Variants in IFT43 observed in about 807,000 individuals in gnomAD.
IFT43 encodes the protein intraflagellar transport protein 43 homolog.
A neutral mutation model predicts 32.3 loss-of-function variants in IFT43; 33 were observed. That is an observed-to-expected ratio of 1.02 (90% CI 0.77 to 1.37). The LOEUF (loss-of-function observed/expected upper bound fraction) is 1.37, where lower values mean the gene tolerates loss of function less well. IFT43 is among the 40% of genes most tolerant of loss of function. The pLI is 0.00. For synonymous variants in IFT43, 93 were observed against 98.2 expected (o/e 0.95, Z 0.31); for missense variants, 274 against 265.9 (o/e 1.03, Z -0.21).
At position 76,022,403 on chromosome 14, in the gene IFT43, C is replaced by G. The variant is rs1320879265; in HGVS notation, c.215+9C>G. On this transcript the variant is annotated intron_variant, in intron 3 of 8. Transcript: ENST00000314067. ...TCCGTGAAGGCTTCGAAGTGAGTAC[C>G]AGCAGCTCATAAGAGTATGGGTGGG... 5.1e-6 allele frequency: 8 copies of G among 1,555,372 alleles called. No individual in the cohort carries two copies. The highest frequency in any genetic ancestry group is 7.1e-6 in the Non-Finnish European group (8 of 1,126,694).
intron 3 of IFT43, among the ~76,000 whole-genome samples, chr14:76,040,543 T>C (rs2036687949): frequency 2.0e-5 from 3 of 152,184 alleles, no homozygotes; most frequent in Admixed American, 6.5e-5. Flanking sequence ...ATAGTGACAT[T>C]TGGTGCAGAG....
Position 76,018,528 on chromosome 14 carries a change from A to G in IFT43, c.148-3799A>G, listed in dbSNP as rs983124661. Among the ~76,000 whole-genome samples, 7 of 152,216 alleles carry G rather than the reference A, an allele frequency of 4.6e-5. No homozygotes were observed. In the South Asian group the frequency reaches 6.2e-4, roughly 14 times the overall value. On this transcript the variant is annotated intron_variant, in intron 2 of 8. Coordinates refer to ENST00000314067, the MANE Select transcript of IFT43 (RefSeq NM_001102564.3). ...TGAGAAGAATGTGTGTTCTGCGGCT[A>G]TTGGATGAAATGTTTAGTAAATGTC...
At chr14:76,064,495 A>G (rs1393796509) in intron 5 of IFT43, among the ~76,000 whole-genome samples, 1 of 152,230 alleles carries the variant, frequency 6.6e-6, no homozygotes, top group Non-Finnish European at 1.5e-5. Flanking sequence ...AGCAGTGTGC[A>G]TGGAAATTGT....
intron 3 of IFT43, among the ~76,000 whole-genome samples, chr14:76,044,797 T>C (rs4903371): frequency 0.82 from 125,098 of 152,172 alleles, 51,661 homozygotes; most frequent in Non-Finnish European, 0.87. Flanking sequence ...AGTCCACTTA[T>C]AGGAGGATTT....
rs527685976 is a variant in IFT43, at chr14:75,992,630, T to C, written c.147+3653T>C. On this transcript the variant is annotated intron_variant, in intron 2 of 8. Transcript: ENST00000314067. ...GCATGATAATGGCTCACTGCAGCCT[T>C]GAACTCCCGGGCTCAAGCGATCCTC... is the stretch of plus-strand genomic sequence containing the variant. Among the ~76,000 whole-genome samples the C allele has an allele frequency of 3.3e-5, 5 of 152,192 alleles. No individual in the cohort carries two copies. The South Asian group carries it at 1.0e-3, about 32-fold the overall frequency.
At chr14:76,003,387 G>A (rs2035925399) in intron 2 of IFT43, among the ~76,000 whole-genome samples, 1 of 152,074 alleles carries the variant, frequency 6.6e-6, no homozygotes, top group Non-Finnish European at 1.5e-5. Flanking sequence ...CAGCACTTTG[G>A]GAGGCCGAGG....
At chr14:76,081,578 A>G (rs926776608) in intron 5 of IFT43, among the ~76,000 whole-genome samples, 10 of 152,236 alleles carry the variant, frequency 6.6e-5, no homozygotes, top group African/African-American at 1.9e-4. Flanking sequence ...CTCTGTTTGC[A>G]TGATTTTGTT....
intron 5 of IFT43, among the ~76,000 whole-genome samples, chr14:76,067,020 G>C (rs998888304): frequency 6.6e-6 from 1 of 152,224 alleles, no homozygotes; most frequent in African/African-American, 2.4e-5. Flanking sequence ...CCCTTCAGGA[G>C]CTTCTGATCC....
chr14:76,022,701 C>T, intron 3 of IFT43: 1 of 224,692 alleles, frequency 4.5e-6, no homozygotes, highest in Non-Finnish European at 8.7e-6. Context: ...TCAACTTTCT[C>T]TCTCTCTGAT....
chr14:76,059,000 A>T (rs1469253586), intron 4 of IFT43: 4 of 1,427,336 alleles, frequency 2.8e-6, no homozygotes, highest in Non-Finnish European at 2.7e-6. Context: ...TTGCCTTCTC[A>T]TAAGACTTAT....
intron 2 of IFT43, among the ~76,000 whole-genome samples, chr14:76,012,976 A>G (rs191284955): frequency 4.6e-5 from 7 of 152,242 alleles, no homozygotes; most frequent in Admixed American, 3.9e-4. Flanking sequence ...TCTCTTCCAT[A>G]TAGTTTCTTC....
intron 3 of IFT43, among the ~76,000 whole-genome samples, chr14:76,024,279 C>G (rs537654826): frequency 5.9e-5 from 9 of 152,220 alleles, no homozygotes; most frequent in Non-Finnish European, 1.2e-4. Flanking sequence ...AAGTATTCCT[C>G]AGACTTCTTC....
At chr14:76,031,622 A>T (rs939355754) in intron 3 of IFT43, among the ~76,000 whole-genome samples, 1 of 152,028 alleles carries the variant, frequency 6.6e-6, no homozygotes, top group Non-Finnish European at 1.5e-5. Flanking sequence ...ATAAGAAAAT[A>T]AGACAAATCC....
At chr14:76,019,218 T>C (rs1377817057) in intron 2 of IFT43, among the ~76,000 whole-genome samples, 2 of 152,196 alleles carry the variant, frequency 1.3e-5, no homozygotes, top group Non-Finnish European at 2.9e-5. Flanking sequence ...CATGATGGTA[T>C]ATATTGTTCT....
chr14:75,987,894 ACC>A (rs1017755001), intron 1 of IFT43, among the ~76,000 whole-genome samples: 9 of 152,240 alleles, frequency 5.9e-5, no homozygotes, highest in Admixed American at 2.6e-4. Flanking sequence ...GTAAAGGCAA[ACC>A]CAGTTACTGT....
intron 5 of IFT43, among the ~76,000 whole-genome samples, chr14:76,076,275 G>A (rs1411937661): frequency 2.0e-5 from 3 of 152,126 alleles, no homozygotes; most frequent in South Asian, 2.1e-4. Flanking sequence ...TGTATCATTC[G>A]CTCAGATGTC....
intron 5 of IFT43, 118 bp downstream of exon 5, chr14:76,059,491 T>A: frequency 3.2e-6 from 3 of 928,320 alleles, no homozygotes; most frequent in Non-Finnish European, 5.3e-6. Context: ...AGTGGTCTTC[T>A]GACGCATGCT....
rs181807660 is a variant in IFT43 at position 76,063,340 on chromosome 14, G to T, written c.295+3967G>T. ...GGCTTGTGGAGTTTCACCCTACAGAGGCACAGCTTAGTATCCAGTCGGTCT... is the reference window on the plus strand; with the variant it reads ...GGCTTGTGGAGTTTCACCCTACAGATGCACAGCTTAGTATCCAGTCGGTCT... On this transcript the variant is annotated intron_variant, in intron 5 of 8. Coordinates refer to ENST00000314067, the MANE Select transcript of IFT43 (RefSeq NM_001102564.3). 5.3e-5 allele frequency among the ~76,000 whole-genome samples: 8 copies of T among 152,326 alleles called. No individual in the cohort carries two copies. The East Asian group carries it at 1.2e-3, about 22-fold the overall frequency.
chr14:76,062,940 A>AAAAAAAAAAAAAAAAAAAAAAC (rs2037168951), intron 5 of IFT43, among the ~76,000 whole-genome samples: 1 of 140,222 alleles, frequency 7.1e-6, no homozygotes, highest in African/African-American at 2.5e-5. Flanking sequence ...AAAAAAAAAA[A>AAAAAAAAAAAAAAAAAAAAAAC]AGAAAATACA....
Sources: gnomAD v4.1 joint callset for allele counts (sites outside exome capture counted in the v4.1 genomes callset) on GRCh38, gnomAD v4.1.1 for gene constraint, MANE v1.5 for transcripts, NCBI Gene and HGNC (gene_info 2026-07-23, HGNC 2026-07-21) for gene names.